Variants in ODAD2 observed in about 807,000 individuals in gnomAD.
ODAD2 encodes outer dynein arm-docking complex subunit 2.
Under a neutral mutation model 106.8 loss-of-function variants are expected in ODAD2, and 89 were observed. The observed-to-expected ratio is 0.83, with a 90% CI of 0.70 to 0.99. The LOEUF is 0.99. Among genes scored for constraint, ODAD2 ranks in the 50% least tolerant of loss-of-function variants. ODAD2 has a pLI of 0.00. For missense variants in ODAD2, 1,168 were observed against 1,238.5 expected (o/e 0.94, Z 0.85); for synonymous variants, 404 against 436.2 (o/e 0.93, Z 0.92).
upstream of ODAD2, among the ~76,000 whole-genome samples, chr10:27,999,349 T>C (rs1252555695): frequency 6.6e-6 from 1 of 152,136 alleles, no homozygotes; most frequent in Non-Finnish European, 1.5e-5. Flanking sequence ...TTCCATAGGC[T>C]TCCAGACAAG....
At position 27,975,782 on chromosome 10, in the gene ODAD2, T is replaced by C. The variant is rs768879426; in HGVS notation, c.937-4469A>G. ...CTCTTCCAAAAAATTGAAGAGAAGA[T>C]GAAACTTTCTAAATCATTCTATAAT... On this transcript the variant is annotated intron_variant, in intron 7 of 19. Transcript: ENST00000305242. Among the ~76,000 whole-genome samples, 62 of 152,246 alleles carry C rather than the reference T, an allele frequency of 4.1e-4. 1 individual carries two copies. The highest frequency in any genetic ancestry group is 6.8e-3 in the Middle Eastern group (2 of 294).
At position 27,987,538 on chromosome 10, in the gene ODAD2, G is replaced by T; in HGVS notation, c.230C>A (p.Thr77Lys). 6.2e-7 allele frequency: 1 copy of T among 1,601,132 alleles called. No individual in the cohort carries two copies. The highest frequency in any genetic ancestry group is 1.1e-5 in the South Asian group (1 of 88,158). The change falls in exon 3 of 20, where the codon ACA becomes AAA. Residue 77 changes from threonine to lysine, a missense_variant. Physicochemically the swap from Thr to Lys is moderately conservative, Grantham distance 78. Coordinates refer to ENST00000305242, the MANE Select transcript of ODAD2 (RefSeq NM_018076.5). The part of the protein sequence containing the change: ...AFESGYVVSE[T>K]TVKSEEVDKN... ...ATCAACTTCTTCTGATTTGACTGTT[G>T]TTTCACTAAAAAATAAAAATAAAAA... is the stretch of plus-strand genomic sequence containing the variant.
intron 16 of ODAD2, among the ~76,000 whole-genome samples, chr10:27,910,029 C>T (rs1372440748): frequency 2.6e-5 from 4 of 152,186 alleles, no homozygotes; most frequent in Admixed American, 2.0e-4. Context: ...CAAGTATCTG[C>T]CCATTTCCCT....
At chr10:27,844,443 G>T (rs1471497242) in intron 19 of ODAD2, among the ~76,000 whole-genome samples, 3 of 152,096 alleles carry the variant, frequency 2.0e-5, no homozygotes, top group Non-Finnish European at 4.4e-5. Context: ...ACCAGGCTCA[G>T]TCCTTCAGAA....
At chr10:27,891,843 A>T (rs1842584424) in intron 17 of ODAD2, among the ~76,000 whole-genome samples, 1 of 152,214 alleles carries the variant, frequency 6.6e-6, no homozygotes, top group African/African-American at 2.4e-5. Context: ...GTGATACGAC[A>T]CAATTAAATT....
chr10:27,815,548 T>C (rs1350282854), intron 19 of ODAD2, among the ~76,000 whole-genome samples: 1 of 152,160 alleles, frequency 6.6e-6, no homozygotes, highest in African/African-American at 2.4e-5. Context: ...GGAGTTTTCA[T>C]CTTATTTGAC....
At chr10:27,907,489 C>G (rs982525780) in intron 17 of ODAD2, among the ~76,000 whole-genome samples, 174 bp downstream of exon 17, 5 of 148,166 alleles carry the variant, frequency 3.4e-5, no homozygotes, top group African/African-American at 1.2e-4. Flanking sequence ...CATTTTAAAA[C>G]TGACCAGAAA....
intron 16 of ODAD2, among the ~76,000 whole-genome samples, chr10:27,928,625 T>C (rs1174214862): frequency 6.6e-6 from 1 of 152,180 alleles, no homozygotes; most frequent in South Asian, 2.1e-4. Context: ...TAAGGCCCCT[T>C]GTTTCAATTT....
At chr10:27,916,012 A>T (rs1185187239) in intron 16 of ODAD2, among the ~76,000 whole-genome samples, 1 of 152,128 alleles carries the variant, frequency 6.6e-6, no homozygotes, top group Non-Finnish European at 1.5e-5. Flanking sequence ...GTGTAGGGGG[A>T]AACAGTCACA....
At chr10:27,816,685 AG>A (rs1242350636) in intron 19 of ODAD2, among the ~76,000 whole-genome samples, 1 of 152,208 alleles carries the variant, frequency 6.6e-6, no homozygotes. Context: ...AGTTCCTTTG[AG>A]TATTGACAAG....
chr10:27,889,100 A>G (rs909748215), intron 17 of ODAD2, among the ~76,000 whole-genome samples: 1 of 152,246 alleles, frequency 6.6e-6, no homozygotes, highest in Non-Finnish European at 1.5e-5. Flanking sequence ...TGCCAAATCT[A>G]GTTCACTTCT....
At chr10:27,865,514 AG>A (rs990828044) in intron 17 of ODAD2, among the ~76,000 whole-genome samples, 133 of 152,258 alleles carry the variant, frequency 8.7e-4, no homozygotes, top group African/African-American at 3.1e-3. Flanking sequence ...GTCTGGGTTA[AG>A]TGGCATCTTC....
rs535490632 is a variant in ODAD2, at chr10:27,998,725, C to T, written c.-39+269G>A. ...AGCGGCAGCGGCGGGGCCAGAGAGC[C>T]GCCTCTGTTTCCCGATCCACGCGGG... On this transcript the variant is annotated intron_variant, in intron 1 of 19. Coordinates refer to ENST00000305242, the MANE Select transcript of ODAD2 (RefSeq NM_018076.5). 1.2e-3 allele frequency among the ~76,000 whole-genome samples: 185 copies of T among 152,214 alleles called. 2 individuals carry two copies. The highest frequency in any genetic ancestry group is 4.1e-3 in the African/African-American group (170 of 41,562).
chr10:27,887,858 C>T (rs1025230020), intron 17 of ODAD2, among the ~76,000 whole-genome samples: 1 of 151,698 alleles, frequency 6.6e-6, no homozygotes, highest in African/African-American at 2.4e-5. Flanking sequence ...TGGGAAGACC[C>T]AAATAACTAA....
In ODAD2 at chr10:27,961,636, G is replaced by A. The variant is rs376424270; in HGVS notation, c.1318C>T (p.Arg440Cys). Residue 440 changes from arginine (R) to cysteine (C), a missense_variant, in exon 10 of 20, where the codon CGT (arginine) becomes TGT (cysteine). Transcript: ENST00000305242. Reference protein sequence around the residue: ...SEEDEEPPDHRQEASADLPSE... With the variant: ...SEEDEEPPDHCQEASADLPSE... ...GGCAAATCTGCACTTGCTTCCTGAC[G>A]ATGGTCAGGTGGTTCTTCATCTTCC... 1.7e-4 allele frequency: 276 copies of A among 1,605,036 alleles called. No individual in the cohort carries two copies. The highest frequency in any genetic ancestry group is 2.2e-4 in the Non-Finnish European group (255 of 1,172,216).
chr10:27,907,812 C>A, intron 16 of ODAD2, 35 bp from the exon 17 acceptor site: 1 of 1,339,994 alleles, frequency 7.5e-7, no homozygotes, highest in South Asian at 1.2e-5. Context: ...TATAAACTGT[C>A]ATTAGTATGT....
chr10:27,841,408 A>G (rs1009550384), intron 19 of ODAD2, among the ~76,000 whole-genome samples: 1 of 148,432 alleles, frequency 6.7e-6, no homozygotes, highest in South Asian at 2.2e-4. Flanking sequence ...TCTTATTTTT[A>G]TTTTTTTTTC....
At chr10:27,977,034 A>G (rs910320940) in intron 7 of ODAD2, among the ~76,000 whole-genome samples, 4 of 152,204 alleles carry the variant, frequency 2.6e-5, no homozygotes, top group African/African-American at 9.6e-5. Context: ...CAACTAGATA[A>G]GCAAAAGAAA....
At chr10:27,888,074 T>C (rs899738780) in intron 17 of ODAD2, among the ~76,000 whole-genome samples, 1 of 152,052 alleles carries the variant, frequency 6.6e-6, no homozygotes, top group African/African-American at 2.4e-5. Context: ...AAAGGACACT[T>C]AAGGTGATTC....
Sources: allele counts gnomAD v4.1 joint callset (sites outside exome capture counted in the v4.1 genomes callset), GRCh38; gene constraint gnomAD v4.1.1; transcripts MANE v1.5; gene names NCBI Gene and HGNC (gene_info 2026-07-23, HGNC 2026-07-21).